The following MRTFB variants were observed in gnomAD, a reference collection of about 807,000 sequenced individuals.
MRTFB encodes myocardin related transcription factor B, also known as myocardin-related transcription factor B.
A neutral mutation model predicts 104.2 loss-of-function variants in MRTFB; 29 were observed. The ratio of observed to expected loss-of-function variants is 0.28; its 90% CI spans 0.21 to 0.38. The LOEUF (loss-of-function observed/expected upper bound fraction) is 0.38, where lower values mean the gene tolerates loss of function less well. Ranked by LOEUF, MRTFB falls within the 10% of genes least tolerant of loss-of-function variation. The pLI is 1.00. For missense variants in MRTFB, 1,270 were observed against 1,341.6 expected (o/e 0.95, Z 0.83); for synonymous variants, 535 against 519.5 (o/e 1.03, Z -0.41).
At chr16:14,250,808 G>A (rs986767961) in intron 13 of MRTFB, among the ~76,000 whole-genome samples, 1 of 152,218 alleles carries the variant, frequency 6.6e-6, no homozygotes, top group Non-Finnish European at 1.5e-5. Flanking sequence ...AGCAGAGGCA[G>A]ATTCAAGCGG....
the MRTFB span, among the ~76,000 whole-genome samples, chr16:14,016,490 A>G: frequency 6.6e-6 from 1 of 152,098 alleles, no homozygotes; most frequent in Non-Finnish European, 1.5e-5. Flanking sequence ...ACTCTGACCT[A>G]GGCTGGGCGC....
At chr16:14,096,679 A>G (rs947523526) in intron 2 of MRTFB, among the ~76,000 whole-genome samples, 2 of 152,206 alleles carry the variant, frequency 1.3e-5, no homozygotes, top group African/African-American at 4.8e-5. Flanking sequence ...TGTCACTTTC[A>G]TACTTGGTCT....
intron 2 of MRTFB, among the ~76,000 whole-genome samples, chr16:14,138,700 A>G: frequency 6.6e-6 from 1 of 152,196 alleles, no homozygotes; most frequent in East Asian, 1.9e-4. Context: ...AGCACAGTGC[A>G]TACACCTGCC....
chr16:14,173,881 T>C (rs2039498808), intron 3 of MRTFB, among the ~76,000 whole-genome samples: 2 of 152,210 alleles, frequency 1.3e-5, no homozygotes, highest in South Asian at 4.1e-4. Context: ...TAGGTCCTGA[T>C]ATACAAAACA....
At chr16:14,256,678 C>T (rs2043509268) in intron 15 of MRTFB, among the ~76,000 whole-genome samples, 2 of 152,336 alleles carry the variant, frequency 1.3e-5, no homozygotes, top group Admixed American at 6.5e-5. Flanking sequence ...GTAACCTGAC[C>T]AACATCCTGG....
chr16:14,032,153 G>A, the MRTFB span, among the ~76,000 whole-genome samples: 1 of 152,212 alleles, frequency 6.6e-6, no homozygotes, highest in Non-Finnish European at 1.5e-5. Flanking sequence ...GACAGCGTCA[G>A]GATGGGGGCT....
the MRTFB span, among the ~76,000 whole-genome samples, chr16:14,040,759 G>A: frequency 0.7 from 105,820 of 151,862 alleles, 41,352 homozygotes; most frequent in East Asian, 0.99. Flanking sequence ...CACCGCACCC[G>A]GCCTATTACT....
At chr16:14,054,469 A>C in the MRTFB span, among the ~76,000 whole-genome samples, 1 of 152,122 alleles carries the variant, frequency 6.6e-6, no homozygotes, top group Non-Finnish European at 1.5e-5. Context: ...CACCGTCCTC[A>C]GCCTTCCAAA....
At chr16:14,255,622 G>C (rs955377460) in intron 15 of MRTFB, among the ~76,000 whole-genome samples, 1 of 152,214 alleles carries the variant, frequency 6.6e-6, no homozygotes. Flanking sequence ...ACACTGTCTT[G>C]AGGAGTGTAT....
At chr16:14,122,980 A>G (rs901148141) in intron 2 of MRTFB, among the ~76,000 whole-genome samples, 2 of 152,216 alleles carry the variant, frequency 1.3e-5, no homozygotes, top group African/African-American at 4.8e-5. Context: ...AATGATCACC[A>G]TTCTTACTGG....
rs376016056 is a variant in MRTFB at position 14,249,133 on chromosome 16, G to A, written c.2403+52G>A. 56 of 1,582,668 alleles carry A rather than the reference G, an allele frequency of 3.5e-5. No individual in the cohort carries two copies. In the African/African-American group the frequency reaches 5.7e-4, roughly 16 times the overall value. ...ATGTCGCTGATTTTTACCATCCTCC[G>A]ATCATCCATTCAACAAGCATCTTTG... On this transcript the variant is annotated intron_variant, in intron 13 of 16. Coordinates refer to ENST00000571589, the MANE Select transcript of MRTFB (RefSeq NM_001308142.2).
chr16:14,036,832 GC>G, the MRTFB span, among the ~76,000 whole-genome samples: 1 of 152,014 alleles, frequency 6.6e-6, no homozygotes, highest in Non-Finnish European at 1.5e-5. Context: ...CCACGACCTG[GC>G]CCCCAGGGCC....
chr16:14,253,736 A>G (rs1013799548), intron 15 of MRTFB, among the ~76,000 whole-genome samples: 6 of 152,162 alleles, frequency 3.9e-5, no homozygotes, highest in African/African-American at 1.4e-4. Flanking sequence ...GGAACCTACC[A>G]CATGCTGCTT....
intron 2 of MRTFB, among the ~76,000 whole-genome samples, chr16:14,118,713 G>A (rs963703840): frequency 6.6e-6 from 1 of 150,556 alleles, no homozygotes; most frequent in African/African-American, 2.5e-5. Context: ...TATATATAGT[G>A]TAAGTATTTA....
intron 8 of MRTFB, among the ~76,000 whole-genome samples, chr16:14,233,092 G>A (rs890292139): frequency 6.6e-6 from 1 of 152,192 alleles, no homozygotes; most frequent in African/African-American, 2.4e-5. Context: ...GATTGCTAGT[G>A]AGAATTGATA....
intron 3 of MRTFB, among the ~76,000 whole-genome samples, chr16:14,146,305 T>C (rs991089163): frequency 1.3e-5 from 2 of 152,178 alleles, no homozygotes; most frequent in Admixed American, 6.5e-5. Context: ...AAGTAGTCAG[T>C]GTGTTTTAGG....
At chr16:14,157,798 G>T (rs2038882136) in intron 3 of MRTFB, among the ~76,000 whole-genome samples, 1 of 152,204 alleles carries the variant, frequency 6.6e-6, no homozygotes, top group African/African-American at 2.4e-5. Flanking sequence ...AAATAAATGA[G>T]ACATCACTGA....
the MRTFB span, among the ~76,000 whole-genome samples, chr16:14,061,821 A>G: frequency 6.6e-6 from 1 of 152,132 alleles, no homozygotes; most frequent in Non-Finnish European, 1.5e-5. Context: ...AGGACTGGTA[A>G]GGTGGGGAGG....
At chr16:14,127,710 C>T (rs765281171) in intron 2 of MRTFB, among the ~76,000 whole-genome samples, 2 of 150,446 alleles carry the variant, frequency 1.3e-5, no homozygotes, top group Non-Finnish European at 3.0e-5. Flanking sequence ...TCCATTGCAC[C>T]GTCCCACTAC....
Sources: gnomAD v4.1 joint callset for allele counts (sites outside exome capture counted in the v4.1 genomes callset) on GRCh38, gnomAD v4.1.1 for gene constraint, MANE v1.5 for transcripts, NCBI Gene and HGNC (gene_info 2026-07-23, HGNC 2026-07-21) for gene names.